Variants in ZYG11B observed in about 807,000 individuals in gnomAD.
The protein encoded by ZYG11B is zyg-11 family member B, cell cycle regulator.
ZYG11B carries 36 observed loss-of-function variants against 82.4 expected under a neutral mutation model. The observed-to-expected ratio is 0.44, with a 90% CI of 0.33 to 0.58. The LOEUF (loss-of-function observed/expected upper bound fraction) is 0.58. Among genes scored for constraint, ZYG11B ranks in the 20% least tolerant of loss-of-function variants. The pLI, the probability that ZYG11B is intolerant of heterozygous loss-of-function variation, is 0.02. For synonymous variants in ZYG11B, 303 were observed against 312.8 expected (o/e 0.97, Z 0.33); for missense variants, 552 against 895.6 (o/e 0.62, Z 4.90).
rs1013233040 is a variant in ZYG11B, at chr1:52,754,997, C to T, written c.31-1461C>T. Among the ~76,000 whole-genome samples, 20 of 133,440 alleles carry T rather than the reference C, an allele frequency of 1.5e-4. No individual in the cohort carries two copies. In the East Asian group the frequency reaches 3.6e-3, roughly 24 times the overall value. 87.5% of individuals were successfully genotyped at this position (133,440 alleles called of 152,430 possible). On this transcript the variant is annotated intron_variant, in intron 1 of 13. Transcript: ENST00000294353. ...TTTTTGAGACGGAGTCTTGCTCTGT[C>T]GCCCAGGCTGTGGAGTGCAGTGACA...
chr1:52,826,933 T>C lies in ZYG11B; in HGVS notation c.*5304T>C, dbSNP rs928882544. 5.9e-5 allele frequency: 9 copies of C among 152,186 alleles called. No homozygotes were observed. In the South Asian group the frequency reaches 6.2e-4, roughly 11 times the overall value. The allele number at this position is 152,186 out of a possible 1,614,324, so 9.4% of individuals were successfully genotyped here. A position where few individuals can be genotyped will look rare whatever the true frequency, so the allele number is the denominator to read the frequency against. ...TTAGCTAATGAAAGCTGAGACACTT[T>C]ATTAAAAGCAGGATCTTAAGAGCAT... On this transcript the variant is annotated 3_prime_UTR_variant, in exon 14 of 14. Transcript: ENST00000294353.
At chr1:52,769,306 C>G (rs541736014) in intron 2 of ZYG11B, among the ~76,000 whole-genome samples, 1 of 151,768 alleles carries the variant, frequency 6.6e-6, no homozygotes, top group Non-Finnish European at 1.5e-5. Context: ...TTAAATTTAC[C>G]GGTGGCCACA....
chr1:52,815,163 A>G (rs1435210319), intron 12 of ZYG11B, among the ~76,000 whole-genome samples: 1 of 152,018 alleles, frequency 6.6e-6, no homozygotes, highest in Non-Finnish European at 1.5e-5. Context: ...CAAAAAAGGA[A>G]TAACACTAGA....
At chr1:52,745,559 T>A (rs1331710767) in intron 1 of ZYG11B, among the ~76,000 whole-genome samples, 1 of 152,154 alleles carries the variant, frequency 6.6e-6, no homozygotes, top group African/African-American at 2.4e-5. Flanking sequence ...GGCTCTAACC[T>A]GGTGGTTTTC....
chr1:52,815,867 G>A (rs368874488), intron 12 of ZYG11B, among the ~76,000 whole-genome samples: 1 of 151,132 alleles, frequency 6.6e-6, no homozygotes, highest in East Asian at 2.0e-4. Flanking sequence ...CCCAGGAGGC[G>A]GAGGTTGCAG....
intron 1 of ZYG11B, among the ~76,000 whole-genome samples, chr1:52,744,709 G>A (rs1644462260): frequency 6.6e-6 from 1 of 152,170 alleles, no homozygotes; most frequent in African/African-American, 2.4e-5. Flanking sequence ...GGGCATGGTG[G>A]CACGCGCCTG....
In ZYG11B at chr1:52,827,077, G is replaced by C. The variant is rs572563521; in HGVS notation, c.*5448G>C. The C allele has an allele frequency of 1.3e-5, 2 of 152,166 alleles. No homozygotes were observed. The highest frequency in any genetic ancestry group is 2.9e-5 in the Non-Finnish European group (2 of 68,034). The allele number at this position is 152,166 out of a possible 1,614,324, so 9.4% of individuals were successfully genotyped here. On this transcript the variant is annotated 3_prime_UTR_variant, in exon 14 of 14. Coordinates refer to ENST00000294353, the MANE Select transcript of ZYG11B (RefSeq NM_024646.3). ...TCACTGACTTATGAGTGTGAGAGAA[G>C]TTATCTTTTGTTTGAATTCTGATAG...
intron 4 of ZYG11B, among the ~76,000 whole-genome samples, chr1:52,783,882 A>ATGGACATACACGTGTGTGTG: frequency 7.9e-6 from 1 of 126,012 alleles, no homozygotes; most frequent in Non-Finnish European, 1.6e-5. Context: ...ACGTGTGTGT[A>ATGGACATACACGTGTGTGTG]TATGTACATA....
intron 2 of ZYG11B, among the ~76,000 whole-genome samples, chr1:52,757,868 T>C (rs1558123493): frequency 6.6e-6 from 1 of 152,080 alleles, no homozygotes; most frequent in Non-Finnish European, 1.5e-5. Context: ...GTTTTGCTTA[T>C]GTATGGAGTA....
intron 8 of ZYG11B, among the ~76,000 whole-genome samples, chr1:52,798,133 A>G (rs924941161): frequency 1.3e-5 from 2 of 151,780 alleles, no homozygotes; most frequent in Non-Finnish European, 2.9e-5. Flanking sequence ...AAAACAAACA[A>G]CAAAAAATTT....
intron 2 of ZYG11B, among the ~76,000 whole-genome samples, chr1:52,765,348 G>A (rs1644673352): frequency 6.6e-6 from 1 of 151,892 alleles, no homozygotes; most frequent in South Asian, 2.1e-4. Flanking sequence ...GATCACAGGT[G>A]CATGCCACCA....
In ZYG11B at chr1:52,771,712, G is replaced by T; in HGVS notation, c.889G>T (p.Val297Leu). 6.2e-7 allele frequency: 1 copy of T among 1,614,156 alleles called. No individual in the cohort carries two copies. Among genetic ancestry groups the T allele is most frequent in the Non-Finnish European group, 8.5e-7 (1 of 1,179,994 alleles). The change falls in exon 3 of 14, where the codon GTA becomes TTA. Residue 297 changes from valine to leucine, a missense_variant. Coordinates refer to ENST00000294353, the MANE Select transcript of ZYG11B (RefSeq NM_024646.3). This position sits in a 1 kb window ranked among gnomAD's most constrained non-coding sequence, Gnocchi z 5.4. ...ACAACAACGTCCAAGCATGCAATTT[G>T]TAGGTTTGCTGGCTACTGATGCTGG... is the stretch of plus-strand genomic sequence containing the variant. ...FIQQRPSMQF[V>L]GLLATDAGYS... is the part of the protein sequence containing the mutation.
chr1:52,816,550 C>G lies in ZYG11B; in HGVS notation c.1965C>G (p.Phe655Leu). ...CCTTTAGGTCCTTTAATCCATTTTT[C>G]CCATTACTTGGCTGTTTCACAACAC... Reference protein sequence around the residue: ...MVAYRSFNPFFPLLGCFTTPG... With the variant: ...MVAYRSFNPFLPLLGCFTTPG... The change falls in exon 13 of 14, where the codon TTC (phenylalanine) becomes TTG (leucine). Residue 655 changes from phenylalanine (F) to leucine (L), a missense_variant. This residue lies in a region of ZYG11B where 127 missense variants were observed against 163.4 expected (regional missense o/e 0.78). Coordinates refer to ENST00000294353, the MANE Select transcript of ZYG11B (RefSeq NM_024646.3). 6.2e-7 allele frequency: 1 copy of G among 1,610,728 alleles called. No homozygotes were observed. Among genetic ancestry groups the G allele is most frequent in the Non-Finnish European group, 8.5e-7 (1 of 1,178,944 alleles).
At chr1:52,755,047 G>A (rs1291124981) in intron 1 of ZYG11B, among the ~76,000 whole-genome samples, 2 of 144,810 alleles carry the variant, frequency 1.4e-5, no homozygotes, top group Non-Finnish European at 3.0e-5. Context: ...TGCAAGCTCC[G>A]CCTCCTGTGT....
At chr1:52,742,949 C>T (rs192398837) in intron 1 of ZYG11B, among the ~76,000 whole-genome samples, 11 of 151,318 alleles carry the variant, frequency 7.3e-5, no homozygotes, top group Admixed American at 3.9e-4. Flanking sequence ...GGGCAGCCCC[C>T]GCCCGGCCAG....
intron 5 of ZYG11B, among the ~76,000 whole-genome samples, chr1:52,789,736 A>G (rs1644940547): frequency 1.3e-5 from 2 of 152,178 alleles, no homozygotes. Flanking sequence ...AGGTTACTTC[A>G]TAGGCCACCA....
chr1:52,797,031 TTATA>T (rs950135929), intron 8 of ZYG11B, among the ~76,000 whole-genome samples: 6 of 93,824 alleles, frequency 6.4e-5, no homozygotes, highest in East Asian at 3.0e-4. Context: ...ATATATAAAT[TTATA>T]TATATAAATT....
chr1:52,804,055 C>T (rs953101616), intron 10 of ZYG11B, among the ~76,000 whole-genome samples: 4 of 152,190 alleles, frequency 2.6e-5, no homozygotes, highest in South Asian at 4.2e-4. Context: ...GCCTGGGCAA[C>T]GAAGCACAAC....
intron 1 of ZYG11B, among the ~76,000 whole-genome samples, chr1:52,754,920 T>C (rs1208876220): frequency 6.6e-6 from 1 of 151,884 alleles, no homozygotes; most frequent in Non-Finnish European, 1.5e-5. Flanking sequence ...TGTATGTTGA[T>C]GTCCAGTGGT....
Sources: gnomAD v4.1 joint callset for allele counts (sites outside exome capture counted in the v4.1 genomes callset) on GRCh38, gnomAD v4.1.1 for gene constraint, gnomAD v4.1.1 regional missense constraint, Gnocchi (gnomAD v3.1) non-coding constraint, MANE v1.5 for transcripts, NCBI Gene and HGNC (gene_info 2026-07-23, HGNC 2026-07-21) for gene names.